BANK1: variants seen among roughly 807,000 people sequenced by gnomAD.
BANK1 encodes B cell scaffold protein with ankyrin repeats 1, also known as B-cell scaffold protein with ankyrin repeats.
Under a neutral mutation model 94.5 loss-of-function variants are expected in BANK1, and 95 were observed. That is an observed-to-expected ratio of 1.00 (90% CI 0.85 to 1.19). The LOEUF (loss-of-function observed/expected upper bound fraction) is 1.19. BANK1 is among the 50% of genes most tolerant of loss of function. The pLI is 0.00. For missense variants in BANK1, 987 were observed against 932.2 expected (o/e 1.06, Z -0.77); for synonymous variants, 334 against 308.4 (o/e 1.08, Z -0.87).
intron 1 of BANK1, 48 bp downstream of exon 1, chr4:101,790,998 G>A: frequency 7.1e-7 from 1 of 1,399,538 alleles, no homozygotes; most frequent in Non-Finnish European, 9.4e-7. Context: ...GCCGGGCTAC[G>A]GGGCTCTGCG....
intron 6 of BANK1, among the ~76,000 whole-genome samples, chr4:101,900,123 G>T (rs1329710280): frequency 1.3e-5 from 2 of 152,158 alleles, no homozygotes; most frequent in Non-Finnish European, 2.9e-5. Flanking sequence ...ACCTTGATGT[G>T]AAAGATTATT....
At chr4:102,054,065 C>G (rs1402997410) in intron 11 of BANK1, among the ~76,000 whole-genome samples, 9 of 152,036 alleles carry the variant, frequency 5.9e-5, no homozygotes, top group Non-Finnish European at 1.3e-4. Flanking sequence ...TCTCACAGAG[C>G]AGTAACAGTC....
At chr4:102,034,476 A>G (rs1368060446) in intron 10 of BANK1, among the ~76,000 whole-genome samples, 2 of 152,224 alleles carry the variant, frequency 1.3e-5, no homozygotes, top group Non-Finnish European at 2.9e-5. Context: ...CCAGCACAAT[A>G]CTTGACATGT....
At chr4:101,797,083 T>C (rs4398527) in intron 1 of BANK1, among the ~76,000 whole-genome samples, 41,460 of 152,020 alleles carry the variant, frequency 0.27, 5,993 homozygotes, top group Non-Finnish European at 0.32. Context: ...TTTTCTGCAA[T>C]GGAGTAGAAA....
chr4:101,914,639 C>T (rs1444560527), intron 6 of BANK1, among the ~76,000 whole-genome samples: 2 of 152,066 alleles, frequency 1.3e-5, no homozygotes, highest in Non-Finnish European at 2.9e-5. Context: ...TTTTGATCAA[C>T]CAATTGATAC....
intron 1 of BANK1, among the ~76,000 whole-genome samples, chr4:101,817,358 A>G (rs1725957173): frequency 6.6e-6 from 1 of 152,174 alleles, no homozygotes; most frequent in African/African-American, 2.4e-5. Flanking sequence ...ATAAAAAGGA[A>G]TGCGATTATG....
At chr4:101,974,581 A>G (rs547966163) in intron 7 of BANK1, among the ~76,000 whole-genome samples, 2 of 152,282 alleles carry the variant, frequency 1.3e-5, no homozygotes, top group African/African-American at 4.8e-5. Flanking sequence ...TTGTGCAGTA[A>G]CAGATTTTTG....
rs373277833 is a variant in BANK1 at position 101,918,194 on chromosome 4, G to GTT, written c.1206+14_1206+15dup. 2.8e-4 allele frequency: 329 copies of GTT among 1,162,200 alleles called. No homozygotes were observed. The highest frequency in any genetic ancestry group is 4.1e-4 in the South Asian group (25 of 60,652). The allele number at this position is 1,162,200 out of a possible 1,614,324, so 72.0% of individuals were successfully genotyped here. The stretch of plus-strand genomic sequence containing the variant: ...AAAATCTTCGAAGACTTTTCAGTAA[G>GTT]TTTTTTTTTTAAATTATATCTCTGT... On this transcript the variant is annotated splice_donor_region_variant and intron_variant, in intron 7 of 16. Transcript: ENST00000322953.
At chr4:102,036,391 A>C (rs1727513717) in intron 10 of BANK1, among the ~76,000 whole-genome samples, 1 of 152,248 alleles carries the variant, frequency 6.6e-6, no homozygotes, top group African/African-American at 2.4e-5. Flanking sequence ...TATTCATATC[A>C]TTGTAAACGT....
rs1247150442 is a variant in BANK1 at position 102,030,043 on chromosome 4, G to C, written c.1678G>C (p.Gly560Arg). 5.0e-6 allele frequency: 8 copies of C among 1,613,780 alleles called. No homozygotes were observed. The highest frequency in any genetic ancestry group is 6.8e-6 in the Non-Finnish European group (8 of 1,179,862). The change falls in exon 10 of 17, where the codon GGA becomes CGA. Residue 560 changes from glycine (G) to arginine (R), a missense_variant. Transcript: ENST00000322953. ...VRQETGDEPK[G>R]EKEKKEEEKE... ...ACAAGAAACAGGAGATGAACCCAAA[G>C]GAGAAAAAGAGAAGAAAGAAGAGGA...
At chr4:101,957,263 C>T (rs1228103586) in intron 7 of BANK1, among the ~76,000 whole-genome samples, 1 of 152,164 alleles carries the variant, frequency 6.6e-6, no homozygotes, top group Non-Finnish European at 1.5e-5. Flanking sequence ...CCTTCAGTCT[C>T]ATAGCCACTC....
intron 2 of BANK1, among the ~76,000 whole-genome samples, chr4:101,832,622 C>A (rs1186079028): frequency 6.6e-6 from 1 of 151,938 alleles, no homozygotes; most frequent in Non-Finnish European, 1.5e-5. Context: ...CTCATTGTAC[C>A]TTTTGGTTGA....
intron 10 of BANK1, among the ~76,000 whole-genome samples, chr4:102,033,804 T>TA (rs200647051): frequency 0.014 from 2,101 of 152,344 alleles, 40 homozygotes; most frequent in Middle Eastern, 0.02. Context: ...ATTTACCCTG[T>TA]ATCCCAAATA....
At chr4:101,897,952 A>G (rs1722147570) in intron 6 of BANK1, among the ~76,000 whole-genome samples, 1 of 151,928 alleles carries the variant, frequency 6.6e-6, no homozygotes, top group African/African-American at 2.4e-5. Flanking sequence ...ATTTAATGGT[A>G]ATTTTGTATC....
At chr4:101,986,893 G>GTA (rs1262079308) in intron 7 of BANK1, among the ~76,000 whole-genome samples, 3 of 90,854 alleles carry the variant, frequency 3.3e-5, no homozygotes, top group African/African-American at 2.0e-4. Context: ...GTGTGTGTGT[G>GTA]TGTGTGTATA....
intron 2 of BANK1, among the ~76,000 whole-genome samples, chr4:101,835,508 T>C (rs1379092541): frequency 6.6e-6 from 1 of 152,228 alleles, no homozygotes; most frequent in East Asian, 1.9e-4. Flanking sequence ...TGTTTTTCTG[T>C]TACCAAACCA....
intron 1 of BANK1, among the ~76,000 whole-genome samples, chr4:101,818,224 C>G (rs909912032): frequency 2.0e-5 from 3 of 152,076 alleles, no homozygotes; most frequent in Non-Finnish European, 4.4e-5. Context: ...CTGTTTCTAC[C>G]AAGTGACTGC....
intron 3 of BANK1, among the ~76,000 whole-genome samples, chr4:101,860,921 G>A (rs1027439295): frequency 1.3e-5 from 2 of 152,240 alleles, no homozygotes; most frequent in Non-Finnish European, 2.9e-5. Context: ...CTGAGCCCAA[G>A]TGAAATGGAA....
Position 102,004,874 on chromosome 4 carries a change from C to G in BANK1, c.1207-16640C>G, listed in dbSNP as rs188794019. On this transcript the variant is annotated intron_variant, in intron 7 of 16. Transcript: ENST00000322953. ...AGATACATTATATGAATCCCTGTGA[C>G]AAGTACCTCCACTGCTTTAGTTGTA... Among the ~76,000 whole-genome samples, 848 of 152,174 alleles carry G rather than the reference C, an allele frequency of 5.6e-3. 9 individuals are homozygous for G. The highest frequency in any genetic ancestry group is 0.019 in the African/African-American group (785 of 41,528).
Sources: gnomAD v4.1 joint callset for allele counts (sites outside exome capture counted in the v4.1 genomes callset) on GRCh38, gnomAD v4.1.1 for gene constraint, MANE v1.5 for transcripts, NCBI Gene and HGNC (gene_info 2026-07-23, HGNC 2026-07-21) for gene names.